PRPF40B: variants seen among roughly 807,000 people sequenced by gnomAD.
The protein encoded by PRPF40B is pre-mRNA processing factor 40B, also known as pre-mRNA-processing factor 40 homolog B.
In PRPF40B, 56 loss-of-function variants were observed where a neutral mutation model predicts 124.5. That is an observed-to-expected ratio of 0.45 (90% CI 0.36 to 0.56). The LOEUF is 0.56. PRPF40B is among the 20% of genes least tolerant of loss of function. PRPF40B has a pLI of 0.00. For synonymous variants in PRPF40B, 443 were observed against 426.4 expected (o/e 1.04, Z -0.48); for missense variants, 1,053 against 1,169.5 (o/e 0.90, Z 1.45).
intron 1 of PRPF40B, 23 bp downstream of exon 1, chr12:49,623,616 G>C: frequency 8.1e-7 from 1 of 1,232,986 alleles, no homozygotes; most frequent in Non-Finnish European, 1.0e-6. Flanking sequence ...CGCGGGGGTG[G>C]AGGGGCTCGG....
At chr12:49,634,151 A>G (rs1941513436) in intron 10 of PRPF40B, 59 bp downstream of exon 10, 2 of 1,587,802 alleles carry the variant, frequency 1.3e-6, no homozygotes, top group Non-Finnish European at 1.7e-6. Context: ...GCCTGGTTCA[A>G]CCCTTGTCCT....
intron 1 of PRPF40B, among the ~76,000 whole-genome samples, chr12:49,629,584 A>T (rs1941038731): frequency 6.6e-6 from 1 of 152,246 alleles, no homozygotes; most frequent in African/African-American, 2.4e-5. Flanking sequence ...GGTACCAGGA[A>T]TACAGCTTCC....
At chr12:49,636,073 C>G in intron 15 of PRPF40B, 80 bp downstream of exon 15, 3 of 1,555,650 alleles carry the variant, frequency 1.9e-6, no homozygotes, top group Non-Finnish European at 2.6e-6. Flanking sequence ...CCTCACCCCA[C>G]TCCCCTGTAC....
In PRPF40B at chr12:49,643,884, C is replaced by G; in HGVS notation, c.2466C>G (p.Asp822Glu). ...AGAATAGTCCTGAGAGTGAGACAGACCCTGAGGAGAAAGCTGGCAAGGAGA... is the reference window on the plus strand; with the variant it reads ...AGAATAGTCCTGAGAGTGAGACAGAGCCTGAGGAGAAAGCTGGCAAGGAGA... Reference protein sequence around the residue: ...HKSNSPESETDPEEKAGKESD... With the variant: ...HKSNSPESETEPEEKAGKESD... The change falls in exon 25 of 26, where the codon GAC (aspartate) becomes GAG (glutamate). Residue 822 changes from aspartate to glutamate, a missense_variant. Asp to Glu is a conservative substitution (Grantham distance 45). Transcript: ENST00000548825. The G allele has an allele frequency of 6.2e-7, 1 of 1,614,070 alleles. No individual in the cohort carries two copies. The highest frequency in any genetic ancestry group is 1.6e-4 in the Middle Eastern group (1 of 6,062).
chr12:49,624,800 G>A (rs1002174216), intron 1 of PRPF40B, among the ~76,000 whole-genome samples: 14 of 151,060 alleles, frequency 9.3e-5, no homozygotes, highest in Admixed American at 3.3e-4. Flanking sequence ...AGCTGAGATC[G>A]CGCCATTGCA....
Position 49,633,889 on chromosome 12 carries a change from A to ACAG in PRPF40B, c.620_622dup (p.Gln207dup), listed in dbSNP as rs1460158407. 3.1e-6 allele frequency: 5 copies of ACAG among 1,613,906 alleles called. No homozygotes were observed. Among genetic ancestry groups the ACAG allele is most frequent in the Non-Finnish European group, 4.2e-6 (5 of 1,179,990 alleles). ...CGCCCTTCTGGCTCATCTGCAGGAA[A>ACAG]CAGCAGCAGCAGCTGCCACAGACAC... On this transcript the variant is annotated inframe_insertion, in exon 10 of 26. Transcript: ENST00000548825.
At chr12:49,634,271 C>G in intron 10 of PRPF40B, 61 bp from the exon 11 acceptor site, 2 of 1,611,928 alleles carry the variant, frequency 1.2e-6, no homozygotes, top group Non-Finnish European at 1.7e-6. Flanking sequence ...GCCAGGAGTT[C>G]AGGGCACTGA....
At chr12:49,643,633 A>G in intron 23 of PRPF40B, 58 bp from the exon 24 acceptor site, 1 of 1,566,444 alleles carries the variant, frequency 6.4e-7, no homozygotes, top group African/African-American at 1.4e-5. Context: ...GGCTAGAACA[A>G]AGAAAAAGAG....
chr12:49,641,719 G>A, intron 18 of PRPF40B, 189 bp from the exon 19 acceptor site: 1 of 588,260 alleles, frequency 1.7e-6, no homozygotes, highest in Non-Finnish European at 3.0e-6. Flanking sequence ...CCAAACCAAG[G>A]GTAGGCATGG....
At chr12:49,628,821 C>T (rs1467982991) in intron 1 of PRPF40B, among the ~76,000 whole-genome samples, 1 of 152,228 alleles carries the variant, frequency 6.6e-6, no homozygotes, top group African/African-American at 2.4e-5. Flanking sequence ...CCTCCTTGGC[C>T]TCCCAAAGTG....
Position 49,643,244 on chromosome 12 carries a change from G to C in PRPF40B, c.2227G>C (p.Glu743Gln), listed in dbSNP as rs566253760. 5.6e-6 allele frequency: 9 copies of C among 1,614,112 alleles called. No homozygotes were observed. In the African/African-American group the frequency reaches 6.7e-5, roughly 12 times the overall value. Residue 743 changes from glutamate (E) to glutamine (Q), a missense_variant, in exon 23 of 26, where the codon GAG becomes CAG. Around this residue, in one of 2 missense-constraint regions of PRPF40B, gnomAD observed 895 missense variants for 1,052.2 expected, o/e 0.85. Coordinates refer to ENST00000548825, the MANE Select transcript of PRPF40B (RefSeq NM_001031698.3). The stretch of plus-strand genomic sequence containing the variant: ...CCAGGGCTCTGAGTCAGAAGAAGAG[G>C]AGCTGCCCCCACCATCTCTCCGGCC... The part of the protein sequence containing the change: ...SPSGSESEEE[E>Q]LPPPSLRPPK...
chr12:49,636,218 C>G (rs1941786916), intron 15 of PRPF40B, among the ~76,000 whole-genome samples: 1 of 152,124 alleles, frequency 6.6e-6, no homozygotes, highest in African/African-American at 2.4e-5. Flanking sequence ...CATTTTGTGT[C>G]CTTGGAGGAA....
chr12:49,632,289 C>T (rs944183559), intron 4 of PRPF40B: 19 of 574,600 alleles, frequency 3.3e-5, no homozygotes, highest in Admixed American at 1.2e-4. Flanking sequence ...CTTATGCTAT[C>T]GCTCAGTGTA....
chr12:49,633,199 C>G, intron 7 of PRPF40B, 75 bp downstream of exon 7: 1 of 1,363,866 alleles, frequency 7.3e-7, no homozygotes. Flanking sequence ...CCCTTAGTCT[C>G]TAACCATATT....
chr12:49,641,824 ACCAT>A (rs1442667790), intron 18 of PRPF40B, 80 bp from the exon 19 acceptor site: 5 of 1,137,152 alleles, frequency 4.4e-6, no homozygotes, highest in Admixed American at 1.7e-5. Context: ...GGCCTTCTTG[ACCAT>A]CTGTAATGTG....
intron 1 of PRPF40B, 61 bp downstream of exon 1, chr12:49,623,654 C>T: frequency 1.8e-6 from 2 of 1,141,402 alleles, no homozygotes; most frequent in Non-Finnish European, 2.1e-6. Flanking sequence ...CCCTGCGGCC[C>T]GGGCCGTGGC....
chr12:49,623,661 T>TGGCCGATGGGGCGGGGA, intron 1 of PRPF40B, 68 bp downstream of exon 1: 3 of 1,061,310 alleles, frequency 2.8e-6, no homozygotes, highest in Non-Finnish European at 3.4e-6. Flanking sequence ...GCCCGGGCCG[T>TGGCCGATGGGGCGGGGA]GGCCGATGGG....
chr12:49,629,320 C>G (rs1415204980), intron 1 of PRPF40B, among the ~76,000 whole-genome samples: 1 of 152,228 alleles, frequency 6.6e-6, no homozygotes, highest in African/African-American at 2.4e-5. Flanking sequence ...TTGTTTATAA[C>G]TGTATAGCAC....
At chr12:49,641,727 T>G in intron 18 of PRPF40B, 181 bp from the exon 19 acceptor site, 1 of 591,026 alleles carries the variant, frequency 1.7e-6, no homozygotes, top group Non-Finnish European at 3.0e-6. Flanking sequence ...AGGGTAGGCA[T>G]GGGGGCTTAA....
Sources: gnomAD v4.1 joint callset for allele counts (sites outside exome capture counted in the v4.1 genomes callset) on GRCh38, gnomAD v4.1.1 for gene constraint, gnomAD v4.1.1 regional missense constraint, MANE v1.5 for transcripts, NCBI Gene and HGNC (gene_info 2026-07-23, HGNC 2026-07-21) for gene names.